ULK2: variants seen among roughly 807,000 people sequenced by gnomAD.
ULK2 encodes the protein serine/threonine-protein kinase ULK2.
Under a neutral mutation model 127.5 loss-of-function variants are expected in ULK2, and 76 were observed. The observed-to-expected ratio is 0.60, with a 90% CI of 0.50 to 0.72. The LOEUF is 0.72. Among genes scored for constraint, ULK2 ranks in the 30% least tolerant of loss-of-function variants. The pLI, the probability that ULK2 is intolerant of heterozygous loss-of-function variation, is 0.00. For missense variants in ULK2, 1,144 were observed against 1,295.9 expected, an observed-to-expected ratio of 0.88 and a Z score of 1.80; for synonymous variants, 452 against 461.9, an observed-to-expected ratio of 0.98 and a Z score of 0.28.
chr17:19,781,394 C>T (rs570517004), intron 23 of ULK2, among the ~76,000 whole-genome samples: 41 of 151,892 alleles, frequency 2.7e-4, no homozygotes, highest in African/African-American at 8.0e-4. Context: ...ACCACAGGGA[C>T]GCACCACCAT....
chr17:19,848,362 A>T (rs1425328440), intron 5 of ULK2: 3 of 152,252 alleles, frequency 2.0e-5, no homozygotes, highest in African/African-American at 7.2e-5. Flanking sequence ...TTTGTAAATA[A>T]GAGAGAAATA....
At chr17:19,809,292 GT>G (rs1277717264) in intron 14 of ULK2, among the ~76,000 whole-genome samples, 1 of 152,070 alleles carries the variant, frequency 6.6e-6, no homozygotes, top group East Asian at 1.9e-4. Context: ...AAACGGGGAG[GT>G]AATATTTAAT....
intron 25 of ULK2, among the ~76,000 whole-genome samples, chr17:19,778,347 T>A (rs1395745215): frequency 1.3e-5 from 2 of 152,108 alleles, no homozygotes; most frequent in Non-Finnish European, 2.9e-5. Flanking sequence ...GCCTCTAACC[T>A]ATATTACGGA....
chr17:19,844,156 C>T (rs1386344261), intron 7 of ULK2, among the ~76,000 whole-genome samples: 2 of 152,160 alleles, frequency 1.3e-5, no homozygotes, highest in African/African-American at 4.8e-5. Flanking sequence ...AAAACCATTT[C>T]TCTGCTGCTT....
At chr17:19,799,421 A>G (rs2087346003) in intron 17 of ULK2, 74 bp downstream of exon 17, 3 of 1,265,612 alleles carry the variant, frequency 2.4e-6, no homozygotes, top group Non-Finnish European at 3.2e-6. Flanking sequence ...TTCTTTGATA[A>G]AACTAGAAAA....
At chr17:19,855,680 T>A (rs1354159314) in intron 3 of ULK2, 1 of 148,742 alleles carries the variant, frequency 6.7e-6, no homozygotes, top group South Asian at 2.1e-4. Context: ...GGGAAAAATA[T>A]CTCAAAACAT....
chr17:19,865,617 G>A (rs928855269), intron 2 of ULK2, 119 bp downstream of exon 2: 2 of 543,632 alleles, frequency 3.7e-6, no homozygotes, highest in Non-Finnish European at 6.3e-6. Flanking sequence ...AAAAAGGAGA[G>A]CAACAGTTGA....
intron 14 of ULK2, 108 bp downstream of exon 14, chr17:19,810,270 G>T: frequency 3.7e-6 from 2 of 536,398 alleles, no homozygotes; most frequent in Non-Finnish European, 3.0e-6. Context: ...AGAAATAATG[G>T]ACTGTAAAAC....
chr17:19,795,535 C>T, intron 20 of ULK2, 87 bp downstream of exon 20: 1 of 1,078,780 alleles, frequency 9.3e-7, no homozygotes. Flanking sequence ...TGCCACCAAG[C>T]ATGTGATGAT....
intron 9 of ULK2, 94 bp downstream of exon 9, chr17:19,841,392 AAAG>A (rs1331337313): frequency 2.4e-6 from 3 of 1,250,776 alleles, no homozygotes; most frequent in Non-Finnish European, 3.3e-6. Context: ...ATCAACTGAA[AAAG>A]AATTAAAAAA....
At chr17:19,847,277 A>G (rs1401228724) in intron 5 of ULK2, among the ~76,000 whole-genome samples, 1 of 152,188 alleles carries the variant, frequency 6.6e-6, no homozygotes, top group Non-Finnish European at 1.5e-5. Flanking sequence ...ATATTAGTCA[A>G]ATATCTGGAA....
At chr17:19,852,601 T>A (rs1248245342) in intron 3 of ULK2, among the ~76,000 whole-genome samples, 1 of 151,984 alleles carries the variant, frequency 6.6e-6, no homozygotes, top group African/African-American at 2.4e-5. Flanking sequence ...GAAGGTCATT[T>A]ACTTTTGTAA....
intron 10 of ULK2, among the ~76,000 whole-genome samples, chr17:19,827,368 C>CA (rs1382687812): frequency 6.6e-6 from 1 of 152,152 alleles, no homozygotes; most frequent in Non-Finnish European, 1.5e-5. Flanking sequence ...GACTAGAATT[C>CA]AAATTCTAGT....
At chr17:19,842,190 CTTTTTTT>C (rs869294657) in intron 8 of ULK2, among the ~76,000 whole-genome samples, 22 of 88,378 alleles carry the variant, frequency 2.5e-4, no homozygotes, top group South Asian at 4.4e-4. Context: ...TTTTCTTTTT[CTTTTTTT>C]TTTTTTTTTT....
At chr17:19,832,900 A>T (rs1371714173) in intron 10 of ULK2, among the ~76,000 whole-genome samples, 2 of 152,116 alleles carry the variant, frequency 1.3e-5, no homozygotes, top group Non-Finnish European at 2.9e-5. Flanking sequence ...AGGCAGGTGG[A>T]TCACTTAAGG....
chr17:19,780,776 ATC>A, intron 24 of ULK2, 147 bp from the exon 25 acceptor site: 1 of 1,043,612 alleles, frequency 9.6e-7, no homozygotes, highest in Non-Finnish European at 1.4e-6. Flanking sequence ...TTTTCATGTT[ATC>A]TCTTTCAATA....
intron 10 of ULK2, among the ~76,000 whole-genome samples, chr17:19,827,096 A>T (rs2041316289): frequency 1.3e-5 from 2 of 152,218 alleles, no homozygotes; most frequent in Non-Finnish European, 2.9e-5. Context: ...ATAGGTATAA[A>T]TATTTCCAAC....
chr17:19,851,163 A>C (rs1013856391), intron 3 of ULK2, among the ~76,000 whole-genome samples: 8 of 147,980 alleles, frequency 5.4e-5, no homozygotes, highest in Non-Finnish European at 1.0e-4. Flanking sequence ...AAATACCAAA[A>C]AAAAAAAAAA....
chr17:19,799,612 G>C, intron 16 of ULK2, 37 bp from the exon 17 acceptor site: 2,842 of 1,344,736 alleles, frequency 2.1e-3, no homozygotes, highest in Non-Finnish European at 2.6e-3. Context: ...GGGAAAGGAA[G>C]AAAAATGATC....
Sources: gnomAD v4.1 joint callset for allele counts (sites outside exome capture counted in the v4.1 genomes callset) on GRCh38, gnomAD v4.1.1 for gene constraint, MANE v1.5 for transcripts, NCBI Gene and HGNC (gene_info 2026-07-23, HGNC 2026-07-21) for gene names.